CROCC2: variants seen among roughly 807,000 people sequenced by gnomAD.
CROCC2 encodes ciliary rootlet coiled-coil, rootletin family member 2, also known as ciliary rootlet coiled-coil protein 2.
Under a neutral mutation model 177.6 loss-of-function variants are expected in CROCC2, and 163 were observed. The ratio of observed to expected loss-of-function variants is 0.92; its 90% CI spans 0.81 to 1.05. The LOEUF (loss-of-function observed/expected upper bound fraction) is 1.05, where lower values mean the gene tolerates loss of function less well. Ranked by LOEUF, CROCC2 falls within the 50% of genes least tolerant of loss-of-function variation. The pLI is 0.00. For synonymous variants in CROCC2, 904 were observed against 787.3 expected, an observed-to-expected ratio of 1.15 and a Z score of -2.48; for missense variants, 1,929 against 1,797.8, an observed-to-expected ratio of 1.07 and a Z score of -1.32.
intron 14 of CROCC2, among the ~76,000 whole-genome samples, chr2:240,939,093 A>C (rs1326519217): frequency 6.6e-6 from 1 of 152,150 alleles, no homozygotes; most frequent in African/African-American, 2.4e-5. Context: ...AATCATGGGG[A>C]AATAATTTGA....
chr2:240,933,034 G>A (rs369921932), intron 9 of CROCC2, 97 bp from the exon 10 acceptor site: 324 of 1,512,952 alleles, frequency 2.1e-4, no homozygotes, highest in East Asian at 2.0e-3. Flanking sequence ...CCCCAGTGTC[G>A]GGGGTGTCCT....
intron 5 of CROCC2, among the ~76,000 whole-genome samples, chr2:240,927,939 C>T (rs2059404424): frequency 6.6e-6 from 1 of 152,240 alleles, no homozygotes; most frequent in Non-Finnish European, 1.5e-5. Context: ...GCATGAGCCA[C>T]CTCGCCTGGC....
At chr2:240,961,019 G>A (rs2059629144) in intron 20 of CROCC2, among the ~76,000 whole-genome samples, 1 of 151,906 alleles carries the variant, frequency 6.6e-6, no homozygotes, top group Admixed American at 6.5e-5. Context: ...GCTCTCAGAG[G>A]AGCAGAACAG....
At position 240,918,927 on chromosome 2, in the gene CROCC2, G is replaced by A. The variant is rs528702012; in HGVS notation, c.229+51G>A. 5.1e-5 allele frequency: 34 copies of A among 665,194 alleles called. 1 individual carries two copies. The highest frequency in any genetic ancestry group is 3.6e-4 in the South Asian group (22 of 60,704). The allele number at this position is 665,194 out of a possible 1,614,324, so 41.2% of individuals were successfully genotyped here. ...GCCCGGGGCTGGCCAAGGTGACGGCGTGGGGGACAGTCCTGGGCCCGGTGC... is the reference window on the plus strand; with the variant it reads ...GCCCGGGGCTGGCCAAGGTGACGGCATGGGGGACAGTCCTGGGCCCGGTGC... On this transcript the variant is annotated intron_variant, in intron 2 of 31. Coordinates refer to ENST00000690015, the MANE Select transcript of CROCC2 (RefSeq NM_001351305.2). The surrounding 1 kb of genome is among the most constrained non-coding windows in gnomAD (Gnocchi z 6.3).
chr2:240,983,749 T>A, intron 28 of CROCC2: 1 of 587,418 alleles, frequency 1.7e-6, no homozygotes, highest in Non-Finnish European at 2.6e-6. Flanking sequence ...GCCCTGCCAG[T>A]GGTGTCGTGT....
chr2:240,928,887 G>C (rs1325676722), intron 5 of CROCC2, among the ~76,000 whole-genome samples: 1 of 149,772 alleles, frequency 6.7e-6, no homozygotes, highest in Admixed American at 6.6e-5. Context: ...GGCCAGGTAT[G>C]GGTTCACAGA....
At chr2:240,936,877 T>C (rs2059474429) in intron 14 of CROCC2, among the ~76,000 whole-genome samples, 2 of 152,338 alleles carry the variant, frequency 1.3e-5, no homozygotes, top group South Asian at 2.1e-4. Context: ...CCCACCCAAA[T>C]CTCATGTCAA....
chr2:240,950,242 G>C, intron 17 of CROCC2, 92 bp from the exon 18 acceptor site: 1 of 1,324,586 alleles, frequency 7.5e-7, no homozygotes, highest in Non-Finnish European at 1.0e-6. Context: ...CATCAGCCCT[G>C]GCATCCCACG....
intron 28 of CROCC2, chr2:240,985,867 C>A: frequency 2.3e-6 from 1 of 437,688 alleles, no homozygotes; most frequent in South Asian, 1.6e-5. Flanking sequence ...CTGCCCCCCA[C>A]AGCAGGGTCT....
At chr2:240,934,855 C>G in intron 12 of CROCC2, 61 bp from the exon 13 acceptor site, 1 of 1,418,652 alleles carries the variant, frequency 7.0e-7, no homozygotes, top group South Asian at 1.5e-5. Flanking sequence ...CCTTTCCCAG[C>G]GGCAACAGCC....
rs985260077 is a variant in CROCC2 at position 240,964,620 on chromosome 2, A to T, written c.3460A>T (p.Arg1154Ter). The T allele has an allele frequency of 6.5e-6, 10 of 1,548,802 alleles. No homozygotes were observed. The highest frequency in any genetic ancestry group is 1.4e-5 in the African/African-American group (1 of 72,994). Reference sequence around the variant, plus strand: ...CCGTCAGGAGCTCCGGGAACTCCACAGACAGGTAGGGCGGCAGGGAGGGGT... The same window carrying T: ...CCGTCAGGAGCTCCGGGAACTCCACTGACAGGTAGGGCGGCAGGGAGGGGT... Reference protein sequence around the residue: ...DARQELRELHRQVRTLKAENQ... With the variant: ...DARQELRELH The change falls in exon 22 of 32, where the codon AGA becomes TGA. Residue 1154 changes from arginine to a stop codon, truncating the protein, a stop_gained. Transcript: ENST00000690015. LOFTEE classifies it high-confidence loss of function.
At chr2:240,959,264 C>G in intron 19 of CROCC2, 37 bp from the exon 20 acceptor site, 1 of 1,545,814 alleles carries the variant, frequency 6.5e-7, no homozygotes, top group Non-Finnish European at 8.7e-7. Flanking sequence ...CTGGGCCCAG[C>G]TCCCTGGTGC....
In CROCC2 at chr2:240,949,786, C is replaced by G; in HGVS notation, c.2652+84C>G. On this transcript the variant is annotated intron_variant, in intron 17 of 31. Transcript: ENST00000690015. The surrounding 1 kb of genome is among the most constrained non-coding windows in gnomAD (Gnocchi z 4.5). ...GGCAGGCCCTTGGGAGGAGGGGGCC[C>G]TGGGAGACAGAGCTCAGAGACATAG... 1.4e-6 allele frequency: 2 copies of G among 1,384,952 alleles called. No individual in the cohort carries two copies. Among genetic ancestry groups the G allele is most frequent in the Non-Finnish European group, 1.9e-6 (2 of 1,029,672 alleles). The allele number at this position is 1,384,952 out of a possible 1,614,324, so 85.8% of individuals were successfully genotyped here. A position where few individuals can be genotyped will look rare whatever the true frequency, so the allele number is the denominator to read the frequency against.
intron 27 of CROCC2, among the ~76,000 whole-genome samples, chr2:240,971,401 G>A (rs1200530501): frequency 6.6e-6 from 1 of 152,146 alleles, no homozygotes; most frequent in Non-Finnish European, 1.5e-5. Context: ...TGGTTTGATG[G>A]GTGGGGCCGC....
rs974338051 is a variant in CROCC2 at position 240,971,525 on chromosome 2, G to T, written c.4401+3263G>T. 2.6e-5 allele frequency among the ~76,000 whole-genome samples: 4 copies of T among 152,176 alleles called. 1 individual carries two copies. The highest frequency in any genetic ancestry group is 9.7e-5 in the African/African-American group (4 of 41,440). On this transcript the variant is annotated intron_variant, in intron 27 of 31. Coordinates refer to ENST00000690015, the MANE Select transcript of CROCC2 (RefSeq NM_001351305.2). ...AATGTGCGGATTCCCTGGGTTCTTTGTGTTTTTCTTGTCAGTGCTCTTTCC... is the reference window on the plus strand; with the variant it reads ...AATGTGCGGATTCCCTGGGTTCTTTTTGTTTTTCTTGTCAGTGCTCTTTCC...
intron 23 of CROCC2, 57 bp from the exon 24 acceptor site, chr2:240,965,579 G>A: frequency 1.3e-6 from 2 of 1,549,574 alleles, no homozygotes; most frequent in Non-Finnish European, 1.7e-6. Context: ...AGAGGGAGGA[G>A]GCCCACCCCA....
rs768498455 is a variant in CROCC2, at chr2:240,964,498, A to C, written c.3338A>C (p.Lys1113Thr). 10 of 1,548,862 alleles carry C rather than the reference A, an allele frequency of 6.5e-6. No homozygotes were observed. Among genetic ancestry groups the C allele is most frequent in the Non-Finnish European group, 8.7e-6 (10 of 1,146,866 alleles). Residue 1113 changes from lysine (K) to threonine (T), a missense_variant, in exon 22 of 32, where the codon AAG becomes ACG. Physicochemically the swap from Lys to Thr is moderately conservative, Grantham distance 78 (BLOSUM62 -1). Transcript: ENST00000690015. ...CGGTCCAAGGAGGAGAAGGAGCAGA[A>C]GCTGCTCATCCTGGAGGAGGCCCAG... ...FKRSKEEKEQ[K>T]LLILEEAQAA...
At chr2:240,942,452 C>A (rs2059500506) in intron 14 of CROCC2, among the ~76,000 whole-genome samples, 1 of 151,850 alleles carries the variant, frequency 6.6e-6, no homozygotes, top group Non-Finnish European at 1.5e-5. Flanking sequence ...TTTCTATTGT[C>A]TTTTATTTAT....
intron 31 of CROCC2, among the ~76,000 whole-genome samples, chr2:240,992,113 C>T (rs933665267): frequency 5.3e-5 from 8 of 152,238 alleles, no homozygotes; most frequent in African/African-American, 1.4e-4. Context: ...GAGACCCAGG[C>T]GGCCATCTTG....
Sources: allele counts gnomAD v4.1 joint callset (sites outside exome capture counted in the v4.1 genomes callset), GRCh38; gene constraint gnomAD v4.1.1; non-coding constraint Gnocchi (gnomAD v3.1); transcripts MANE v1.5; gene names NCBI Gene and HGNC (gene_info 2026-07-23, HGNC 2026-07-21).